The following CAB39 variants were observed in gnomAD, a reference collection of about 807,000 sequenced individuals.
CAB39 encodes calcium binding protein 39.
CAB39 carries 8 observed loss-of-function variants against 40.0 expected under a neutral mutation model. The observed-to-expected ratio is 0.20, with a 90% CI of 0.12 to 0.36. The LOEUF is 0.36. CAB39 is among the 10% of genes least tolerant of loss of function. The pLI, the probability that CAB39 is intolerant of heterozygous loss-of-function variation, is 1.00. For synonymous variants in CAB39, 156 were observed against 141.6 expected, an observed-to-expected ratio of 1.10 and a Z score of -0.72; for missense variants, 270 against 401.1, an observed-to-expected ratio of 0.67 and a Z score of 2.79.
rs1694276387 is a variant in CAB39, at chr2:230,713,076, C to G, written c.-198C>G. On this transcript the variant is annotated 5_prime_UTR_variant, in exon 1 of 9. Coordinates refer to ENST00000258418, the MANE Select transcript of CAB39 (RefSeq NM_016289.4). Reference sequence around the variant, plus strand: ...CGCGCAGCCGCCGCCGCCGCGGGAGCCCGTCGCCGGGAGCAGGAGCGGGCG... The same window carrying G: ...CGCGCAGCCGCCGCCGCCGCGGGAGGCCGTCGCCGGGAGCAGGAGCGGGCG... 1 of 151,474 alleles carries G rather than the reference C, an allele frequency of 6.6e-6. No individual in the cohort carries two copies. The highest frequency in any genetic ancestry group is 2.4e-5 in the African/African-American group (1 of 41,338). 9.4% of individuals were successfully genotyped at this position (151,474 alleles called of 1,614,324 possible). A position where few individuals can be genotyped will look rare whatever the true frequency, so the allele number is the denominator to read the frequency against.
intron 1 of CAB39, among the ~76,000 whole-genome samples, chr2:230,717,617 CTG>C (rs1006174662): frequency 6.6e-6 from 1 of 152,206 alleles, no homozygotes; most frequent in African/African-American, 2.4e-5. Context: ...TGTTCTGCCT[CTG>C]TTTCTCAGGC....
rs530492689 is a variant in CAB39, at chr2:230,801,456, A to G, written c.567+2559A>G. 3.3e-5 allele frequency among the ~76,000 whole-genome samples: 5 copies of G among 152,330 alleles called. No individual in the cohort carries two copies. In the East Asian group the frequency reaches 7.7e-4, roughly 23 times the overall value. ...GAAAAGAAGAATAGATCTATGGTTCATGCTTTCCTTTGAGAATGTGGCAAG... is the reference window on the plus strand; with the variant it reads ...GAAAAGAAGAATAGATCTATGGTTCGTGCTTTCCTTTGAGAATGTGGCAAG... On this transcript the variant is annotated intron_variant, in intron 5 of 8. Coordinates refer to ENST00000258418, the MANE Select transcript of CAB39 (RefSeq NM_016289.4).
At chr2:230,787,584 C>G (rs1695815232) in intron 2 of CAB39, among the ~76,000 whole-genome samples, 1 of 152,200 alleles carries the variant, frequency 6.6e-6, no homozygotes, top group Non-Finnish European at 1.5e-5. Context: ...AAGCCAAAGA[C>G]ATTTTGTTCA....
At chr2:230,807,465 A>C (rs549174918) in intron 5 of CAB39, among the ~76,000 whole-genome samples, 1 of 125,892 alleles carries the variant, frequency 7.9e-6, no homozygotes, top group Admixed American at 1.1e-4. Context: ...AAGGGTTTTC[A>C]TCCTGTTACG....
intron 1 of CAB39, among the ~76,000 whole-genome samples, chr2:230,744,577 C>G (rs920906478): frequency 6.6e-6 from 1 of 152,252 alleles, no homozygotes; most frequent in African/African-American, 2.4e-5. Flanking sequence ...CAGGCGTGAG[C>G]CACCACGCCT....
chr2:230,720,578 GGTGCGCGCCACCAT>G (rs1694431044), intron 1 of CAB39, among the ~76,000 whole-genome samples: 1 of 152,162 alleles, frequency 6.6e-6, no homozygotes. Context: ...TGGGATTACA[GGTGCGCGCCACCAT>G]GCATGGCTAA....
intron 4 of CAB39, among the ~76,000 whole-genome samples, chr2:230,794,106 C>T (rs1235669211): frequency 2.0e-5 from 3 of 152,144 alleles, no homozygotes; most frequent in East Asian, 1.9e-4. Flanking sequence ...GGTGGGCAGG[C>T]ATGTTCCTGG....
chr2:230,754,116 C>T (rs1203841179), intron 1 of CAB39, among the ~76,000 whole-genome samples: 1 of 152,088 alleles, frequency 6.6e-6, no homozygotes, highest in Non-Finnish European at 1.5e-5. Context: ...ATAGGTAAAA[C>T]CTAGAGGGCC....
At chr2:230,773,180 TA>T (rs775263738) in intron 2 of CAB39, among the ~76,000 whole-genome samples, 6 of 152,096 alleles carry the variant, frequency 3.9e-5, no homozygotes, top group Middle Eastern at 3.4e-3. Context: ...TAAAGATGTT[TA>T]GGGGAAGGGT....
chr2:230,751,637 T>C (rs1371196807), intron 1 of CAB39, among the ~76,000 whole-genome samples: 3 of 152,176 alleles, frequency 2.0e-5, no homozygotes, highest in African/African-American at 7.2e-5. Context: ...TCTAGCACTT[T>C]CTTGGGATGT....
intron 2 of CAB39, among the ~76,000 whole-genome samples, chr2:230,789,962 C>T (rs145409269): frequency 1.7e-4 from 26 of 152,246 alleles, no homozygotes; most frequent in Admixed American, 5.9e-4. Flanking sequence ...TGGCCAGGCA[C>T]GGTGGCTCAC....
At chr2:230,717,553 T>C (rs1373382037) in intron 1 of CAB39, among the ~76,000 whole-genome samples, 2 of 152,146 alleles carry the variant, frequency 1.3e-5, no homozygotes, top group African/African-American at 2.4e-5. Flanking sequence ...GTGAAGCAAA[T>C]ACTTCTGCCG....
intron 2 of CAB39, among the ~76,000 whole-genome samples, chr2:230,766,404 T>C (rs899821564): frequency 3.3e-5 from 5 of 152,204 alleles, no homozygotes; most frequent in African/African-American, 1.2e-4. Flanking sequence ...TACTACAGTC[T>C]TTAAAACAAC....
At chr2:230,774,924 T>G (rs1695559722) in intron 2 of CAB39, among the ~76,000 whole-genome samples, 1 of 152,246 alleles carries the variant, frequency 6.6e-6, no homozygotes, top group Admixed American at 6.5e-5. Context: ...ATAATAGAAT[T>G]GTTCTTATTA....
Position 230,793,930 on chromosome 2 carries a change from A to C in CAB39, c.398+599A>C, listed in dbSNP as rs113961808. On this transcript the variant is annotated intron_variant, in intron 4 of 8. Transcript: ENST00000258418. ...TTGGGTAGTCTTGTCAGTTTAAAAA[A>C]GCCTGAAAACCGAACCATAGAACCA... is the stretch of plus-strand genomic sequence containing the variant. Among the ~76,000 whole-genome samples, 1,439 of 152,314 alleles carry C rather than the reference A, an allele frequency of 9.4e-3. 22 individuals carry two copies. The highest frequency in any genetic ancestry group is 0.032 in the African/African-American group (1,325 of 41,550).
chr2:230,734,286 T>TG (rs1445938805), intron 1 of CAB39, among the ~76,000 whole-genome samples: 1 of 152,236 alleles, frequency 6.6e-6, no homozygotes, highest in Non-Finnish European at 1.5e-5. Context: ...CGCCCCTTGA[T>TG]CTCTGTGCAG....
rs557383647 is a variant in CAB39, at chr2:230,737,163, T to A, written c.-43-22796T>A. ...GTTTTAAAGTAATTTTTAGAAAAAA[T>A]TTTTTAAATTGATGACACTGAAACC... is the stretch of plus-strand genomic sequence containing the variant. On this transcript the variant is annotated intron_variant, in intron 1 of 8. Coordinates refer to ENST00000258418, the MANE Select transcript of CAB39 (RefSeq NM_016289.4). 3.3e-5 allele frequency among the ~76,000 whole-genome samples: 5 copies of A among 152,206 alleles called. No homozygotes were observed. In the South Asian group the frequency reaches 6.2e-4, roughly 19 times the overall value.
chr2:230,758,687 A>G (rs1419909175), intron 1 of CAB39, among the ~76,000 whole-genome samples: 1 of 152,190 alleles, frequency 6.6e-6, no homozygotes, highest in Non-Finnish European at 1.5e-5. Context: ...ATAGAAGGGG[A>G]AAACAAAGTG....
chr2:230,764,461 A>T (rs1427145103), intron 2 of CAB39, among the ~76,000 whole-genome samples: 1 of 152,220 alleles, frequency 6.6e-6, no homozygotes, highest in African/African-American at 2.4e-5. Context: ...TTTGATGGGT[A>T]TATCTGCATG....
Sources: gnomAD v4.1 joint callset for allele counts (sites outside exome capture counted in the v4.1 genomes callset) on GRCh38, gnomAD v4.1.1 for gene constraint, MANE v1.5 for transcripts, NCBI Gene and HGNC (gene_info 2026-07-23, HGNC 2026-07-21) for gene names.